Variants in FIG4 observed in about 807,000 individuals in gnomAD.
FIG4 encodes FIG4 phosphoinositide 5-phosphatase, also known as polyphosphoinositide phosphatase.
A neutral mutation model predicts 118.6 loss-of-function variants in FIG4; 112 were observed. That is an observed-to-expected ratio of 0.94 (90% confidence interval 0.81 to 1.11). FIG4 has a LOEUF of 1.11. Ranked by LOEUF, FIG4 falls within the 50% of genes least tolerant of loss-of-function variation. The pLI is 0.00. For synonymous variants in FIG4, 369 were observed against 381.2 expected (o/e 0.97, Z 0.37); for missense variants, 969 against 1,111.7 (o/e 0.87, Z 1.83).
chr6:109,727,262 C>T lies in FIG4; in HGVS notation c.443C>T (p.Ala148Val). 1.2e-6 allele frequency: 2 copies of T among 1,607,468 alleles called. No homozygotes were observed. Among genetic ancestry groups the T allele is most frequent in the Non-Finnish European group, 1.7e-6 (2 of 1,177,250 alleles). The change falls in exon 4 of 23, where the codon GCT becomes GTT. Residue 148 changes from alanine (A) to valine (V), a missense_variant. Coordinates refer to ENST00000230124, the MANE Select transcript of FIG4 (RefSeq NM_014845.6). ...GTACGGGTTACTCATCCTGATGAAG[C>T]TAGGTATGTATGGTGGTAACTACCT... Reference protein sequence around the residue: ...DSVRVTHPDEARYLRIFQNVD... With the variant: ...DSVRVTHPDEVRYLRIFQNVD...
chr6:109,787,055 T>C (rs914175614), intron 18 of FIG4, among the ~76,000 whole-genome samples: 42 of 152,270 alleles, frequency 2.8e-4, no homozygotes, highest in African/African-American at 1.0e-3. Context: ...GGAAGCAGTA[T>C]TCATTTTTTC....
chr6:109,735,071 T>G, intron 5 of FIG4, 79 bp from the exon 6 acceptor site: 7 of 1,275,098 alleles, frequency 5.5e-6, no homozygotes, highest in Non-Finnish European at 8.0e-6. Context: ...GTTCACAGAT[T>G]TTAATTCTAT....
intron 16 of FIG4, among the ~76,000 whole-genome samples, chr6:109,780,844 C>T (rs1467131684): frequency 6.6e-6 from 1 of 152,184 alleles, no homozygotes; most frequent in African/African-American, 2.4e-5. Context: ...ACTTCGATGA[C>T]ACAAAATCTC....
intron 1 of FIG4, among the ~76,000 whole-genome samples, chr6:109,693,617 G>A (rs143413210): frequency 2.3e-4 from 35 of 152,292 alleles, no homozygotes; most frequent in South Asian, 6.2e-4. Flanking sequence ...GAGATAACAG[G>A]TTTGAGAACC....
chr6:109,721,861 C>T (rs925722462), intron 3 of FIG4, among the ~76,000 whole-genome samples: 3 of 152,006 alleles, frequency 2.0e-5, no homozygotes, highest in African/African-American at 7.3e-5. Flanking sequence ...TTCCCTTATA[C>T]AAATTATGAA....
At chr6:109,745,270 C>T (rs1219473091) in intron 10 of FIG4, among the ~76,000 whole-genome samples, 11 of 152,114 alleles carry the variant, frequency 7.2e-5, no homozygotes, top group Admixed American at 2.6e-4. Flanking sequence ...AGTGTAAAAG[C>T]GTTCCTATTT....
intron 8 of FIG4, 60 bp downstream of exon 8, chr6:109,741,604 G>A: frequency 5.7e-6 from 6 of 1,046,488 alleles, no homozygotes; most frequent in Middle Eastern, 2.0e-4. Flanking sequence ...CTTTGCTGAT[G>A]TAGAAGCACA....
intron 22 of FIG4, among the ~76,000 whole-genome samples, chr6:109,802,914 T>G (rs1020718032): frequency 6.6e-6 from 1 of 152,216 alleles, no homozygotes; most frequent in African/African-American, 2.4e-5. Flanking sequence ...TTTTTTGTTT[T>G]GTTTTTACAA....
Position 109,727,171 on chromosome 6 carries a change from G to T in FIG4, c.352G>T (p.Asp118Tyr). 6.2e-7 allele frequency: 1 copy of T among 1,610,192 alleles called. No homozygotes were observed. Among genetic ancestry groups the T allele is most frequent in the South Asian group, 1.1e-5 (1 of 91,004 alleles). ...AATAACTAAAAGGAGGAAGATGGCG[G>T]ATATTGGAGGTCATGCAATCTATAA... The part of the protein sequence containing the change: ...VLITKRRKMA[D>Y]IGGHAIYKVE... Residue 118 changes from aspartate to tyrosine, a missense_variant, in exon 4 of 23, where the codon GAT becomes TAT. Around this residue, in one of 3 missense-constraint regions of FIG4, gnomAD observed 393 missense variants for 409.4 expected, o/e 0.96. Coordinates refer to ENST00000230124, the MANE Select transcript of FIG4 (RefSeq NM_014845.6).
At position 109,729,532 on chromosome 6, in the gene FIG4, C is replaced by T. The variant is rs147201029; in HGVS notation, c.446+2267C>T. On this transcript the variant is annotated intron_variant, in intron 4 of 22. Coordinates refer to ENST00000230124, the MANE Select transcript of FIG4 (RefSeq NM_014845.6). The stretch of plus-strand genomic sequence containing the variant: ...AAAGCTTGAAAAGAAAAATTACTGT[C>T]ATTATGCAAACAGCATCATTTCCTA... Among the ~76,000 whole-genome samples the T allele has an allele frequency of 3.3e-3, 500 of 152,216 alleles. 1 individual carries two copies. Among genetic ancestry groups the T allele is most frequent in the Middle Eastern group, 0.02 (6 of 294 alleles).
At chr6:109,795,809 G>A (rs906987007) in intron 21 of FIG4, among the ~76,000 whole-genome samples, 2 of 151,958 alleles carry the variant, frequency 1.3e-5, no homozygotes, top group East Asian at 3.9e-4. Context: ...CACCGTGTTA[G>A]CCAGGATGGT....
At chr6:109,728,787 A>T (rs1775895357) in intron 4 of FIG4, among the ~76,000 whole-genome samples, 2 of 152,204 alleles carry the variant, frequency 1.3e-5, no homozygotes, top group African/African-American at 4.8e-5. Flanking sequence ...AAAGTGAATC[A>T]GATTGACCAG....
intron 22 of FIG4, among the ~76,000 whole-genome samples, chr6:109,818,305 A>G (rs1226453400): frequency 6.6e-6 from 1 of 151,930 alleles, no homozygotes; most frequent in Non-Finnish European, 1.5e-5. Flanking sequence ...GGTTCAAGCA[A>G]TTCTCCTGCC....
intron 22 of FIG4, among the ~76,000 whole-genome samples, chr6:109,824,213 C>T (rs1779091450): frequency 6.6e-6 from 1 of 152,200 alleles, no homozygotes; most frequent in Non-Finnish European, 1.5e-5. Context: ...TTATTGGGTG[C>T]TTTTCAAATT....
rs144968181 is a variant in FIG4 at position 109,744,748 on chromosome 6, G to A, written c.1137+976G>A. ...GATGGTTTGCTGCACCCATCAACCC[G>A]TCATCTACATTAGGTATTTCTCCTA... On this transcript the variant is annotated intron_variant, in intron 10 of 22. Transcript: ENST00000230124. Among the ~76,000 whole-genome samples, 283 of 151,976 alleles carry A rather than the reference G, an allele frequency of 1.9e-3. 4 individuals carry two copies. Among genetic ancestry groups the A allele is most frequent in the Middle Eastern group, 6.8e-3 (2 of 294 alleles).
At chr6:109,727,992 C>T (rs1435466211) in intron 4 of FIG4, among the ~76,000 whole-genome samples, 2 of 152,172 alleles carry the variant, frequency 1.3e-5, no homozygotes, top group African/African-American at 4.8e-5. Context: ...TGTACTTGTA[C>T]ACACATCCTC....
intron 13 of FIG4, 21 bp downstream of exon 13, chr6:109,764,003 C>A (rs75463717): frequency 2.0e-6 from 3 of 1,514,928 alleles, no homozygotes; most frequent in Non-Finnish European, 2.8e-6. Flanking sequence ...TATTACAATT[C>A]GTAATGAATA....
At chr6:109,735,504 A>G (rs1037210438) in intron 6 of FIG4, among the ~76,000 whole-genome samples, 1 of 152,146 alleles carries the variant, frequency 6.6e-6, no homozygotes, top group Non-Finnish European at 1.5e-5. Context: ...GCCAACCACA[A>G]AATTGTATGC....
intron 1 of FIG4, among the ~76,000 whole-genome samples, chr6:109,702,316 A>G (rs1356341739): frequency 1.3e-5 from 2 of 152,210 alleles, no homozygotes; most frequent in Non-Finnish European, 2.9e-5. Flanking sequence ...TTTCACATAT[A>G]TATTTTAGAA....
Sources: gnomAD v4.1 joint callset for allele counts (sites outside exome capture counted in the v4.1 genomes callset) on GRCh38, gnomAD v4.1.1 for gene constraint, gnomAD v4.1.1 regional missense constraint, MANE v1.5 for transcripts, NCBI Gene and HGNC (gene_info 2026-07-23, HGNC 2026-07-21) for gene names.